SEMA6D: variants seen among roughly 807,000 people sequenced by gnomAD.
The protein encoded by SEMA6D is semaphorin-6D.
In SEMA6D, 35 loss-of-function variants were observed where a neutral mutation model predicts 106.6. The observed-to-expected ratio is 0.33, with a 90% CI of 0.25 to 0.44. SEMA6D has a LOEUF of 0.44. Ranked by LOEUF, SEMA6D falls within the 20% of genes least tolerant of loss-of-function variation. SEMA6D has a pLI of 1.00. For missense variants in SEMA6D, 1,185 were observed against 1,345.9 expected, an observed-to-expected ratio of 0.88 and a Z score of 1.87; for synonymous variants, 499 against 487.7, an observed-to-expected ratio of 1.02 and a Z score of -0.31.
chr15:47,553,981 A>G (rs2045843357), intron 3 of SEMA6D, among the ~76,000 whole-genome samples: 1 of 152,216 alleles, frequency 6.6e-6, no homozygotes, highest in South Asian at 2.1e-4. Flanking sequence ...AAAGGTGAGG[A>G]TGAGACAAGG....
At chr15:47,625,116 C>T (rs2077177448) in intron 4 of SEMA6D, among the ~76,000 whole-genome samples, 1 of 151,920 alleles carries the variant, frequency 6.6e-6, no homozygotes, top group Admixed American at 6.6e-5. Context: ...TCAGAAAAGA[C>T]CAAATGAAGT....
chr15:47,658,257 A>G (rs1367621503), intron 4 of SEMA6D, among the ~76,000 whole-genome samples: 2 of 152,148 alleles, frequency 1.3e-5, no homozygotes, highest in Non-Finnish European at 2.9e-5. Context: ...TGAACAACAG[A>G]AGTAACTGAT....
intron 4 of SEMA6D, among the ~76,000 whole-genome samples, chr15:47,624,017 C>G (rs1206730711): frequency 6.6e-6 from 1 of 152,194 alleles, no homozygotes; most frequent in African/African-American, 2.4e-5. Flanking sequence ...TGAGCTGGCC[C>G]TGCCAGTCTC....
At chr15:47,424,504 A>C (rs558711219) in intron 2 of SEMA6D, among the ~76,000 whole-genome samples, 3 of 152,236 alleles carry the variant, frequency 2.0e-5, no homozygotes, top group East Asian at 3.9e-4. Context: ...GTTTGTAATA[A>C]CTTGGAAAGT....
At chr15:47,760,122 AT>A in intron 2 of SEMA6D, 181 bp from the exon 3 acceptor site, 1 of 569,780 alleles carries the variant, frequency 1.8e-6, no homozygotes. Flanking sequence ...TAGGTTATAT[AT>A]TTTGAGTTAA....
intron 1 of SEMA6D, among the ~76,000 whole-genome samples, chr15:47,354,670 G>A (rs2038492873): frequency 6.6e-6 from 1 of 151,762 alleles, no homozygotes; most frequent in Admixed American, 6.6e-5. Flanking sequence ...AATGAGGAGG[G>A]GTTAGTGTGC....
chr15:47,213,177 C>G (rs1285480842), intron 1 of SEMA6D, among the ~76,000 whole-genome samples: 1 of 152,158 alleles, frequency 6.6e-6, no homozygotes, highest in Admixed American at 6.5e-5. Context: ...AGTTACATTT[C>G]TAGTGCTCAA....
At chr15:47,402,563 TG>T (rs2040431391) in intron 1 of SEMA6D, among the ~76,000 whole-genome samples, 1 of 152,220 alleles carries the variant, frequency 6.6e-6, no homozygotes, top group Non-Finnish European at 1.5e-5. Context: ...ATATCTGTGT[TG>T]GGGCGCTTTC....
chr15:47,564,428 T>G (rs1037260261), intron 3 of SEMA6D, among the ~76,000 whole-genome samples: 1 of 152,218 alleles, frequency 6.6e-6, no homozygotes, highest in African/African-American at 2.4e-5. Context: ...CCCCAGTCCC[T>G]TATCTGCAAT....
chr15:47,413,529 G>A (rs185972356), intron 2 of SEMA6D, among the ~76,000 whole-genome samples: 233 of 151,906 alleles, frequency 1.5e-3, no homozygotes, highest in African/African-American at 5.5e-3. Flanking sequence ...TGTCAGCCAG[G>A]CTGGAGTGCA....
chr15:47,672,296 C>T (rs1047112648), intron 4 of SEMA6D, among the ~76,000 whole-genome samples: 6 of 152,160 alleles, frequency 3.9e-5, no homozygotes, highest in African/African-American at 1.4e-4. Flanking sequence ...AACCCAACCA[C>T]AGTGAGAAAT....
chr15:47,227,993 TATATATTTTATATATATAAGAATC>T (rs1454620533), intron 1 of SEMA6D, among the ~76,000 whole-genome samples: 5 of 112,172 alleles, frequency 4.5e-5, no homozygotes, highest in East Asian at 3.7e-4. Flanking sequence ...ATAAGATTCT[TATATATTTTATATATATAAGAATC>T]ATATATTTTT....
At chr15:47,221,790 A>G (rs931292833) in intron 1 of SEMA6D, among the ~76,000 whole-genome samples, 2 of 152,218 alleles carry the variant, frequency 1.3e-5, no homozygotes, top group African/African-American at 4.8e-5. Context: ...ATGAGGCCCA[A>G]TGTTAGATCA....
At chr15:47,294,054 C>T (rs772082242) in intron 1 of SEMA6D, among the ~76,000 whole-genome samples, 3 of 151,894 alleles carry the variant, frequency 2.0e-5, no homozygotes, top group Non-Finnish European at 2.9e-5. Context: ...GTTCACATTC[C>T]AACATTCTTA....
intron 1 of SEMA6D, among the ~76,000 whole-genome samples, chr15:47,310,999 G>T (rs2036427995): frequency 6.6e-6 from 1 of 152,134 alleles, no homozygotes; most frequent in Non-Finnish European, 1.5e-5. Context: ...ATTCATACTT[G>T]GTAGGTAAAA....
intron 3 of SEMA6D, among the ~76,000 whole-genome samples, chr15:47,475,856 C>T (rs1241411339): frequency 6.6e-6 from 1 of 152,126 alleles, no homozygotes; most frequent in East Asian, 1.9e-4. Flanking sequence ...TTCTAACAGT[C>T]TAATAATGCC....
chr15:47,547,288 T>G (rs778178932), intron 3 of SEMA6D, among the ~76,000 whole-genome samples: 11 of 152,110 alleles, frequency 7.2e-5, no homozygotes, highest in Non-Finnish European at 1.5e-4. Flanking sequence ...CACCTGATAT[T>G]TTCCCGGAAA....
chr15:47,227,437 C>CTTTCTTTCTTTCTTTCTTTCTTT (rs1555407193), intron 1 of SEMA6D, among the ~76,000 whole-genome samples: 1 of 92,542 alleles, frequency 1.1e-5, no homozygotes, highest in Non-Finnish European at 2.4e-5. Context: ...TTCTTTCTTT[C>CTTTCTTTCTTTCTTTCTTTCTTT]TTTTCTTTCT....
chr15:47,550,892 G>A (rs2045665497), intron 3 of SEMA6D, among the ~76,000 whole-genome samples: 1 of 152,276 alleles, frequency 6.6e-6, no homozygotes, highest in South Asian at 2.1e-4. Context: ...AAAATTCGAT[G>A]TGGGAGAAAA....
Sources: gnomAD v4.1 joint callset for allele counts (sites outside exome capture counted in the v4.1 genomes callset) on GRCh38, gnomAD v4.1.1 for gene constraint, MANE v1.5 for transcripts, NCBI Gene and HGNC (gene_info 2026-07-23, HGNC 2026-07-21) for gene names.